The following PHYHD1 variants were observed in gnomAD, a reference collection of about 807,000 sequenced individuals.
PHYHD1 encodes the protein phytanoyl-CoA dioxygenase domain-containing protein 1.
Under a neutral mutation model 43.6 loss-of-function variants are expected in PHYHD1, and 42 were observed. The ratio of observed to expected loss-of-function variants is 0.96; its 90% CI spans 0.75 to 1.25. PHYHD1 has a LOEUF of 1.25. Among genes scored for constraint, PHYHD1 ranks in the 50% most tolerant of loss-of-function variants. The probability of loss-of-function intolerance (pLI) is 0.00; values close to 1 mark genes in which losing one functional copy is unlikely to be tolerated. For synonymous variants in PHYHD1, 139 were observed against 143.6 expected, an observed-to-expected ratio of 0.97 and a Z score of 0.23; for missense variants, 342 against 370.8, an observed-to-expected ratio of 0.92 and a Z score of 0.64.
intron 9 of PHYHD1, 56 bp downstream of exon 9, chr9:128,937,834 C>A: frequency 6.2e-7 from 1 of 1,613,336 alleles, no homozygotes; most frequent in Non-Finnish European, 8.5e-7. Flanking sequence ...TCTAAGACAG[C>A]AATGGTTCTC....
chr9:128,932,181 A>AT (rs1265015070), intron 4 of PHYHD1, among the ~76,000 whole-genome samples: 3,433 of 107,440 alleles, frequency 0.032, 83 homozygotes, highest in Non-Finnish European at 0.038. Flanking sequence ...TATTATTATT[A>AT]TTATTTTTTT....
intron 3 of PHYHD1, 67 bp downstream of exon 3, chr9:128,922,423 C>G (rs1841022652): frequency 6.6e-7 from 1 of 1,518,488 alleles, no homozygotes; most frequent in African/African-American, 1.4e-5. Flanking sequence ...CTTCAGTAGT[C>G]CCAGTGCCCA....
Position 128,941,866 on chromosome 9 carries a change from T to C in PHYHD1, c.*153T>C. Reference sequence around the variant, plus strand: ...CCTGTGGGCAGCAGCCTAGGCTGGGTCAGGGGCTTCCCTAAGATCTTCACC... The same window carrying C: ...CCTGTGGGCAGCAGCCTAGGCTGGGCCAGGGGCTTCCCTAAGATCTTCACC... On this transcript the variant is annotated 3_prime_UTR_variant, in exon 13 of 13. Coordinates refer to ENST00000372592, the MANE Select transcript of PHYHD1 (RefSeq NM_001100876.2). 1 of 999,044 alleles carries C rather than the reference T, an allele frequency of 1.0e-6. No homozygotes were observed. The highest frequency in any genetic ancestry group is 1.5e-5 in the South Asian group (1 of 66,766). The allele number at this position is 999,044 out of a possible 1,614,324, so 61.9% of individuals were successfully genotyped here. A position where few individuals can be genotyped will look rare whatever the true frequency, so the allele number is the denominator to read the frequency against.
intron 11 of PHYHD1, 121 bp downstream of exon 11, chr9:128,940,836 G>C: frequency 3.1e-6 from 3 of 974,070 alleles, no homozygotes; most frequent in Non-Finnish European, 3.0e-6. Context: ...GTCACAGAAA[G>C]AGAAGGAGGG....
At chr9:128,934,751 A>G (rs1320481368) in intron 6 of PHYHD1, among the ~76,000 whole-genome samples, 1 of 151,422 alleles carries the variant, frequency 6.6e-6, no homozygotes, top group Non-Finnish European at 1.5e-5. Context: ...CTGGGCAACA[A>G]GAGTGAAACT....
At position 128,921,306 on chromosome 9, in the gene PHYHD1, T is replaced by G. The variant is rs757705546; in HGVS notation, c.-522T>G. ...TTTGGTATTTTTATTTATTATTTATTTATTTATTTTGAGACCGAGTCTCGC... is the reference window on the plus strand; with the variant it reads ...TTTGGTATTTTTATTTATTATTTATGTATTTATTTTGAGACCGAGTCTCGC... On this transcript the variant is annotated 5_prime_UTR_variant, in exon 1 of 13. It adds an upstream start codon to the 5' untranslated region. Coordinates refer to ENST00000372592, the MANE Select transcript of PHYHD1 (RefSeq NM_001100876.2). 1 of 151,924 alleles carries G rather than the reference T, an allele frequency of 6.6e-6. No individual in the cohort carries two copies. Among genetic ancestry groups the G allele is most frequent in the Non-Finnish European group, 1.5e-5 (1 of 68,004 alleles). The allele number at this position is 151,924 out of a possible 1,614,324, so 9.4% of individuals were successfully genotyped here.
chr9:128,928,703 C>CA (rs912123131), intron 4 of PHYHD1, among the ~76,000 whole-genome samples: 218 of 144,812 alleles, frequency 1.5e-3, no homozygotes, highest in East Asian at 3.6e-3. Flanking sequence ...AATCCTGTCT[C>CA]AAAAAAAAAC....
chr9:128,927,222 GGGATGTGGCTTTTGAGGGA>G (rs748302921), intron 4 of PHYHD1, 26 bp downstream of exon 4: 1 of 1,612,450 alleles, frequency 6.2e-7, no homozygotes, highest in East Asian at 2.2e-5. Flanking sequence ...ACATGAGGAT[GGGATGTGGCTTTTGAGGGA>G]GGGCTTGGTC....
chr9:128,940,857 C>T lies in PHYHD1; in HGVS notation c.703+142C>T, dbSNP rs527661510. The T allele has an allele frequency of 2.2e-4, 174 of 783,358 alleles. 1 individual carries two copies. In the African/African-American group the frequency reaches 2.7e-3, roughly 12 times the overall value. The allele number at this position is 783,358 out of a possible 1,614,324, so 48.5% of individuals were successfully genotyped here. On this transcript the variant is annotated intron_variant, in intron 11 of 12. Coordinates refer to ENST00000372592, the MANE Select transcript of PHYHD1 (RefSeq NM_001100876.2). ...GAAAGAGAAGGAGGGGCTGGATGGGCGCTGGGAAGTCAGGAAGCAGCATGT... is the reference window on the plus strand; with the variant it reads ...GAAAGAGAAGGAGGGGCTGGATGGGTGCTGGGAAGTCAGGAAGCAGCATGT...
chr9:128,923,369 C>T (rs1841053081), intron 3 of PHYHD1, among the ~76,000 whole-genome samples: 1 of 152,190 alleles, frequency 6.6e-6, no homozygotes, highest in Admixed American at 6.5e-5. Context: ...TGAGCCACCG[C>T]GCCCAGCCTG....
intron 8 of PHYHD1, among the ~76,000 whole-genome samples, chr9:128,937,224 G>C (rs1267374991): frequency 6.6e-6 from 1 of 151,776 alleles, no homozygotes; most frequent in Non-Finnish European, 1.5e-5. Flanking sequence ...GACCTGCCTG[G>C]GCAATATAGC....
intron 3 of PHYHD1, among the ~76,000 whole-genome samples, chr9:128,924,005 G>C (rs1467999642): frequency 6.6e-6 from 1 of 152,134 alleles, no homozygotes; most frequent in Non-Finnish European, 1.5e-5. Context: ...TGTAATCCTA[G>C]CTACTCAGAA....
rs528921767 is a variant in PHYHD1, at chr9:128,931,331, G to C, written c.193-2451G>C. 4.4e-4 allele frequency among the ~76,000 whole-genome samples: 67 copies of C among 151,976 alleles called. 1 individual carries two copies. Among genetic ancestry groups the C allele is most frequent in the African/African-American group, 1.6e-3 (65 of 41,464 alleles). Reference sequence around the variant, plus strand: ...TTCACCATGTTGGCCAGGCTGTCTCGAACTCCTGACCTTAGGTGATCCACC... The same window carrying C: ...TTCACCATGTTGGCCAGGCTGTCTCCAACTCCTGACCTTAGGTGATCCACC... On this transcript the variant is annotated intron_variant, in intron 4 of 12. Transcript: ENST00000372592.
Position 128,936,459 on chromosome 9 carries a change from C to A in PHYHD1, c.328C>A (p.His110Asn). ...INKIGHALHAHDPVFKSITHS... is the reference protein window; with the variant it reads ...INKIGHALHANDPVFKSITHS... ...CTTCTGTCCCATAGCTCTGCACGCCCACGACCCCGTCTTCAAGAGCATCAC... is the reference window on the plus strand; with the variant it reads ...CTTCTGTCCCATAGCTCTGCACGCCAACGACCCCGTCTTCAAGAGCATCAC... Residue 110 changes from histidine to asparagine, a missense_variant, in exon 7 of 13, where the codon CAC becomes AAC. Physicochemically the swap from His to Asn is moderately conservative, Grantham distance 68 (BLOSUM62 1). Transcript: ENST00000372592. 6.2e-7 allele frequency: 1 copy of A among 1,612,970 alleles called. No homozygotes were observed. Among genetic ancestry groups the A allele is most frequent in the Non-Finnish European group, 8.5e-7 (1 of 1,179,632 alleles).
intron 9 of PHYHD1, 60 bp downstream of exon 9, chr9:128,937,838 G>T (rs563236864): frequency 3.7e-6 from 6 of 1,613,190 alleles, no homozygotes; most frequent in Non-Finnish European, 5.1e-6. Flanking sequence ...AGACAGCAAT[G>T]GTTCTCAGAT....
intron 3 of PHYHD1, among the ~76,000 whole-genome samples, chr9:128,926,697 T>C (rs140772877): frequency 6.7e-4 from 101 of 151,642 alleles, no homozygotes; most frequent in African/African-American, 2.2e-3. Context: ...TAGCTGGGAC[T>C]ACAGGCATGC....
rs201188576 is a variant in PHYHD1, at chr9:128,933,799, C to A, written c.210C>A (p.Phe70Leu). The A allele has an allele frequency of 1.4e-5, 23 of 1,614,160 alleles. No individual in the cohort carries two copies. In the African/African-American group the frequency reaches 1.7e-4, roughly 12 times the overall value. Reference sequence around the variant, plus strand: ...TTCCACAGGGCAGCACAGACTATTTCTTGAGCAGTGGTGACAAGATTCGAT... The same window carrying A: ...TTCCACAGGGCAGCACAGACTATTTATTGAGCAGTGGTGACAAGATTCGAT... ...QLRAQGSTDYFLSSGDKIRFF... is the reference protein window; with the variant it reads ...QLRAQGSTDYLLSSGDKIRFF... Residue 70 changes from phenylalanine to leucine, a missense_variant, in exon 5 of 13, where the codon TTC (phenylalanine) becomes TTA (leucine). Phe to Leu is a conservative substitution (Grantham distance 22). Transcript: ENST00000372592.
chr9:128,922,232 T>C, intron 2 of PHYHD1, 51 bp from the exon 3 acceptor site: 1 of 1,488,908 alleles, frequency 6.7e-7, no homozygotes, highest in Non-Finnish European at 9.1e-7. Flanking sequence ...TTTCTCCGGG[T>C]AGGGAAGGGT....
intron 3 of PHYHD1, among the ~76,000 whole-genome samples, chr9:128,924,908 C>T (rs1275648883): frequency 6.6e-6 from 1 of 152,106 alleles, no homozygotes; most frequent in Non-Finnish European, 1.5e-5. Flanking sequence ...GCACTCCAGC[C>T]TGGGCAACAA....
Sources: allele counts gnomAD v4.1 joint callset (sites outside exome capture counted in the v4.1 genomes callset), GRCh38; gene constraint gnomAD v4.1.1; transcripts MANE v1.5; gene names NCBI Gene and HGNC (gene_info 2026-07-23, HGNC 2026-07-21).